The following SLC24A1 variants were observed in gnomAD, a reference collection of about 807,000 sequenced individuals.
SLC24A1 encodes the protein sodium/potassium/calcium exchanger 1.
A neutral mutation model predicts 88.1 loss-of-function variants in SLC24A1; 52 were observed. That is an observed-to-expected ratio of 0.59 (90% CI 0.47 to 0.74). SLC24A1 has a LOEUF of 0.74. Among genes scored for constraint, SLC24A1 ranks in the 30% least tolerant of loss-of-function variants. The probability of loss-of-function intolerance (pLI) is 0.00; values close to 1 mark genes in which losing one functional copy is unlikely to be tolerated. For missense variants in SLC24A1, 1,173 were observed against 1,363.3 expected (o/e 0.86, Z 2.20); for synonymous variants, 455 against 498.0 (o/e 0.91, Z 1.15).
At chr15:65,659,342 T>TG (rs2075784566), downstream of SLC24A1, 2 of 136,344 alleles carry the variant, frequency 1.5e-5, no homozygotes, top group African/African-American at 2.7e-5. Context: ...TTTTTTTTTT[T>TG]TTTTTTTTTG....
chr15:65,634,522 G>A (rs929262994), intron 2 of SLC24A1, among the ~76,000 whole-genome samples: 1 of 152,150 alleles, frequency 6.6e-6, no homozygotes, highest in Non-Finnish European at 1.5e-5. Context: ...AGGTGAATGT[G>A]TTTGTGAAAA....
chr15:65,623,489 A>G (rs2074390327), intron 1 of SLC24A1, among the ~76,000 whole-genome samples: 1 of 152,174 alleles, frequency 6.6e-6, no homozygotes, highest in Admixed American at 6.5e-5. Context: ...ATGGAGCCTT[A>G]ATGTCCCTGG....
rs1180135989 is a variant in SLC24A1, at chr15:65,615,878, AC to A, written c.-227-2995del. On this transcript the variant is annotated intron_variant, in intron 2 of 11. Coordinates refer to the SLC24A1 transcript ENST00000537259. Reference sequence around the variant, plus strand: ...TTTCTCCTAATGCTATCCCTCCCCCACCCCCCCACCCCCCAACAGGCCCCAG... The same window carrying A: ...TTTCTCCTAATGCTATCCCTCCCCCACCCCCCACCCCCCAACAGGCCCCAG... Among the ~76,000 whole-genome samples the A allele has an allele frequency of 5.5e-3, 290 of 53,126 alleles. 1 individual carries two copies. Among genetic ancestry groups the A allele is most frequent in the Non-Finnish European group, 8.3e-3 (230 of 27,828 alleles). The allele number at this position is 53,126 out of a possible 152,430, so 34.9% of individuals were successfully genotyped here.
At chr15:65,642,978 G>A (rs1259794065) in intron 4 of SLC24A1, 18 of 1,287,598 alleles carry the variant, frequency 1.4e-5, no homozygotes, top group East Asian at 5.5e-5. Flanking sequence ...CTGGGATGCC[G>A]GGCATCATCA....
Position 65,654,863 on chromosome 15 carries a change from G to T in SLC24A1, c.*784G>T, listed in dbSNP as rs2075627463. On this transcript the variant is annotated 3_prime_UTR_variant, in exon 10 of 10. Coordinates refer to ENST00000261892, the MANE Select transcript of SLC24A1 (RefSeq NM_004727.3). ...TCTGCCCGCCTCGGCCTCCCAAAGT[G>T]CTGGGATTACAGGCGTCAGCCACCG... 1 of 1,140,564 alleles carries T rather than the reference G, an allele frequency of 8.8e-7. No homozygotes were observed. Among genetic ancestry groups the T allele is most frequent in the South Asian group, 1.6e-5 (1 of 63,512 alleles). 70.7% of individuals were successfully genotyped at this position (1,140,564 alleles called of 1,614,324 possible).
chr15:65,631,417 C>T (rs1324288269), intron 2 of SLC24A1, among the ~76,000 whole-genome samples: 2 of 152,064 alleles, frequency 1.3e-5, no homozygotes, highest in Non-Finnish European at 2.9e-5. Flanking sequence ...AGGAAATAAA[C>T]AGGGCATGTG....
At chr15:65,628,495 T>C (rs1185669329) in intron 2 of SLC24A1, among the ~76,000 whole-genome samples, 2 of 152,028 alleles carry the variant, frequency 1.3e-5, no homozygotes, top group Non-Finnish European at 2.9e-5. Flanking sequence ...GACAAAGGAG[T>C]CAGGGGTTGA....
chr15:65,633,894 G>A (rs1310619080), intron 2 of SLC24A1, among the ~76,000 whole-genome samples: 1 of 152,094 alleles, frequency 6.6e-6, no homozygotes, highest in Non-Finnish European at 1.5e-5. Flanking sequence ...CTCTGGCTGA[G>A]GGGTGGCGAA....
chr15:65,634,634 A>C (rs2074842668), intron 2 of SLC24A1, among the ~76,000 whole-genome samples: 1 of 151,982 alleles, frequency 6.6e-6, no homozygotes, highest in Non-Finnish European at 1.5e-5. Flanking sequence ...TTTGCCTGAA[A>C]TGTCGAAATA....
intron 2 of SLC24A1, among the ~76,000 whole-genome samples, chr15:65,632,970 A>G (rs989391194): frequency 6.6e-6 from 1 of 152,214 alleles, no homozygotes; most frequent in Non-Finnish European, 1.5e-5. Context: ...ATCACGTGTA[A>G]TGGTATAGGT....
downstream of SLC24A1, among the ~76,000 whole-genome samples, chr15:65,657,458 G>A (rs570848877): frequency 6.6e-5 from 10 of 151,808 alleles, no homozygotes; most frequent in East Asian, 1.9e-4. Flanking sequence ...TGGCTAACAC[G>A]GTGAAACCCC....
chr15:65,627,883 G>C (rs912808021), intron 2 of SLC24A1, among the ~76,000 whole-genome samples: 13 of 152,146 alleles, frequency 8.5e-5, no homozygotes, highest in Admixed American at 8.5e-4. Flanking sequence ...ACTCTTCAAG[G>C]GCTTTAGTAG....
chr15:65,614,737 G>A (rs757590148), intron 2 of SLC24A1, among the ~76,000 whole-genome samples: 8 of 152,170 alleles, frequency 5.3e-5, no homozygotes, highest in Non-Finnish European at 7.3e-5. Flanking sequence ...AATAGGGTGA[G>A]CTTTATCCAT....
intron 4 of SLC24A1, among the ~76,000 whole-genome samples, chr15:65,642,561 T>C (rs1185850819): frequency 2.0e-5 from 3 of 152,162 alleles, no homozygotes; most frequent in Admixed American, 2.0e-4. Context: ...AAGGGAGCCC[T>C]CCTGTGACAG....
intron 2 of SLC24A1, among the ~76,000 whole-genome samples, chr15:65,634,866 G>A (rs1289148413): frequency 1.3e-5 from 2 of 152,072 alleles, no homozygotes. Context: ...CTTTGTGAGT[G>A]TGGGTAAGTG....
At chr15:65,629,090 G>A (rs968280372) in intron 2 of SLC24A1, among the ~76,000 whole-genome samples, 5 of 152,226 alleles carry the variant, frequency 3.3e-5, no homozygotes, top group African/African-American at 9.6e-5. Context: ...GAATGGCCAC[G>A]TGGTATTTTA....
chr15:65,636,112 A>C (rs1350542620), intron 2 of SLC24A1, among the ~76,000 whole-genome samples: 2 of 152,304 alleles, frequency 1.3e-5, no homozygotes, highest in Admixed American at 6.5e-5. Flanking sequence ...AGCAATGAGA[A>C]GGTAAAGACG....
At chr15:65,649,436 A>G (rs780321322) in intron 6 of SLC24A1, among the ~76,000 whole-genome samples, 3 of 152,198 alleles carry the variant, frequency 2.0e-5, no homozygotes, top group Non-Finnish European at 4.4e-5. Flanking sequence ...CAGGCTACCA[A>G]GTTTGGGAGC....
intron 2 of SLC24A1, among the ~76,000 whole-genome samples, chr15:65,637,430 A>T (rs2074978310): frequency 6.6e-6 from 1 of 152,312 alleles, no homozygotes; most frequent in South Asian, 2.1e-4. Context: ...TGAATTTTAT[A>T]AAAAATGGAT....
Sources: gnomAD v4.1 joint callset for allele counts (sites outside exome capture counted in the v4.1 genomes callset) on GRCh38, gnomAD v4.1.1 for gene constraint, MANE v1.5 for transcripts, NCBI Gene and HGNC (gene_info 2026-07-23, HGNC 2026-07-21) for gene names.